The following CCSER1 variants were observed in gnomAD, a reference collection of about 807,000 sequenced individuals.
CCSER1 encodes the protein coiled-coil serine rich protein 1, also known as serine-rich coiled-coil domain-containing protein 1.
A neutral mutation model predicts 82.0 loss-of-function variants in CCSER1; 41 were observed. The observed-to-expected ratio is 0.50, with a 90% CI of 0.39 to 0.65. The LOEUF is 0.65. CCSER1 is among the 30% of genes least tolerant of loss of function. The probability of loss-of-function intolerance (pLI) is 0.00; values close to 1 mark genes in which losing one functional copy is unlikely to be tolerated. For missense variants in CCSER1, 1,119 were observed against 1,064.2 expected, an observed-to-expected ratio of 1.05 and a Z score of -0.72; for synonymous variants, 414 against 383.9, an observed-to-expected ratio of 1.08 and a Z score of -0.92.
chr4:90,277,228 C>T (rs1434821402), intron 1 of CCSER1, among the ~76,000 whole-genome samples: 1 of 152,102 alleles, frequency 6.6e-6, no homozygotes, highest in Non-Finnish European at 1.5e-5. Flanking sequence ...TTAAAATGGT[C>T]ATACTGCCCA....
At chr4:91,280,887 G>A (rs1742864697) in intron 10 of CCSER1, among the ~76,000 whole-genome samples, 1 of 152,096 alleles carries the variant, frequency 6.6e-6, no homozygotes, top group South Asian at 2.1e-4. Flanking sequence ...AGGGAAGGAT[G>A]CAGTTGGTGG....
intron 9 of CCSER1, among the ~76,000 whole-genome samples, chr4:91,035,387 A>G (rs1464889878): frequency 6.6e-6 from 1 of 152,152 alleles, no homozygotes; most frequent in Non-Finnish European, 1.5e-5. Flanking sequence ...TAAGAAAATG[A>G]TGTATCTTAA....
chr4:90,731,275 A>G (rs1489155011), intron 7 of CCSER1, among the ~76,000 whole-genome samples: 2 of 152,202 alleles, frequency 1.3e-5, no homozygotes, highest in Non-Finnish European at 2.9e-5. Context: ...GATGTTACAA[A>G]TAGATAGCAT....
chr4:90,918,165 T>C (rs540180049), intron 8 of CCSER1: 36 of 390,306 alleles, frequency 9.2e-5, no homozygotes, highest in African/African-American at 7.3e-4. Flanking sequence ...GTTAATTGTA[T>C]TAACTAACAT....
At chr4:91,200,475 G>C (rs528090580) in intron 10 of CCSER1, among the ~76,000 whole-genome samples, 14 of 151,216 alleles carry the variant, frequency 9.3e-5, no homozygotes, top group African/African-American at 3.1e-4. Context: ...GACTTGTAGT[G>C]GGGGGCCACA....
chr4:91,486,733 A>C (rs1269881278), intron 10 of CCSER1, among the ~76,000 whole-genome samples: 1 of 152,146 alleles, frequency 6.6e-6, no homozygotes. Flanking sequence ...GATTTTATGC[A>C]ACTACTATGC....
chr4:90,478,270 T>A (rs568420865), intron 5 of CCSER1, among the ~76,000 whole-genome samples: 150 of 152,310 alleles, frequency 9.8e-4, no homozygotes, highest in Non-Finnish European at 1.9e-3. Flanking sequence ...TTGATTCCTG[T>A]CTGTTTCTAT....
intron 10 of CCSER1, among the ~76,000 whole-genome samples, chr4:91,339,398 C>T (rs1014310941): frequency 6.6e-6 from 1 of 151,918 alleles, no homozygotes; most frequent in African/African-American, 2.4e-5. Context: ...TTTTGAATCA[C>T]TTTTTAAGTG....
chr4:90,711,552 ATTTTATTGAAGGCCTTT>A (rs950145975), intron 6 of CCSER1, among the ~76,000 whole-genome samples: 1 of 152,040 alleles, frequency 6.6e-6, no homozygotes, highest in Non-Finnish European at 1.5e-5. Flanking sequence ...GAGATGTTGA[ATTTTATTGAAGGCCTTT>A]TCTGCACCTA....
chr4:90,780,317 T>C (rs1187761780), intron 7 of CCSER1: 2 of 1,012,454 alleles, frequency 2.0e-6, no homozygotes, highest in Non-Finnish European at 2.9e-6. Flanking sequence ...GGTGTCCTTT[T>C]ACGCTTCCCA....
chr4:90,301,872 G>C (rs558245727), intron 1 of CCSER1, among the ~76,000 whole-genome samples: 1 of 152,166 alleles, frequency 6.6e-6, no homozygotes, highest in South Asian at 2.1e-4. Flanking sequence ...TTATGATGTT[G>C]TTACATTTAT....
At chr4:90,807,936 C>A (rs1336201691) in intron 7 of CCSER1, among the ~76,000 whole-genome samples, 1 of 151,928 alleles carries the variant, frequency 6.6e-6, no homozygotes. Context: ...GTGCTAATAG[C>A]CAAAGTAATC....
At chr4:90,312,761 CTT>C (rs759597768) in intron 2 of CCSER1, 100 bp from the exon 3 acceptor site, 118 of 903,958 alleles carry the variant, frequency 1.3e-4, no homozygotes, top group Non-Finnish European at 1.8e-4. Flanking sequence ...GATAGAGAAA[CTT>C]TGAATAACAC....
At chr4:91,545,237 T>C (rs1296585481) in intron 10 of CCSER1, among the ~76,000 whole-genome samples, 2 of 152,058 alleles carry the variant, frequency 1.3e-5, no homozygotes, top group Non-Finnish European at 2.9e-5. Context: ...ATGGCTTCCC[T>C]TTGCTAGCAA....
At chr4:90,563,862 C>G (rs72887404) in intron 5 of CCSER1, among the ~76,000 whole-genome samples, 1 of 152,086 alleles carries the variant, frequency 6.6e-6, no homozygotes, top group Non-Finnish European at 1.5e-5. Context: ...AGATTCCATA[C>G]TGTTTTCTAT....
At chr4:90,469,184 A>C (rs774075722) in intron 5 of CCSER1, among the ~76,000 whole-genome samples, 1 of 151,970 alleles carries the variant, frequency 6.6e-6, no homozygotes, top group Non-Finnish European at 1.5e-5. Context: ...ATTGGATTAC[A>C]CTGTGTTATA....
intron 1 of CCSER1, among the ~76,000 whole-genome samples, chr4:90,193,668 C>G (rs997329149): frequency 2.6e-5 from 4 of 151,492 alleles, no homozygotes; most frequent in Non-Finnish European, 4.4e-5. Flanking sequence ...TACATGATAA[C>G]ACTAATATTC....
Position 90,127,416 on chromosome 4 carries a change from CG to C in CCSER1, c.-453del. Reference sequence around the variant, plus strand: ...CTCACAGCCCCGGAGCGCGGCCTGCCGGGGAGGTGGATCTCGCGCTCCCCAC... The same window carrying C: ...CTCACAGCCCCGGAGCGCGGCCTGCCGGGAGGTGGATCTCGCGCTCCCCAC... On this transcript the variant is annotated 5_prime_UTR_variant, in exon 1 of 11. Transcript: ENST00000509176. The C allele has an allele frequency of 6.6e-6, 1 of 152,436 alleles. No homozygotes were observed. The highest frequency in any genetic ancestry group is 1.5e-5 in the Non-Finnish European group (1 of 68,154). The allele number at this position is 152,436 out of a possible 1,614,324, so 9.4% of individuals were successfully genotyped here.
intron 4 of CCSER1, among the ~76,000 whole-genome samples, chr4:90,442,436 AC>A (rs1156686792): frequency 8.5e-5 from 13 of 152,306 alleles, no homozygotes; most frequent in Middle Eastern, 6.8e-3. Flanking sequence ...TATTAAACTT[AC>A]GGCAACAGGG....
Sources: allele counts gnomAD v4.1 joint callset (sites outside exome capture counted in the v4.1 genomes callset), GRCh38; gene constraint gnomAD v4.1.1; transcripts MANE v1.5; gene names NCBI Gene and HGNC (gene_info 2026-07-23, HGNC 2026-07-21).